MBNL3: variants seen among roughly 807,000 people sequenced by gnomAD.
The protein encoded by MBNL3 is muscleblind-like protein 3.
Under a neutral mutation model 24.5 loss-of-function variants are expected in MBNL3, and 6 were observed. That is an observed-to-expected ratio of 0.25 (90% confidence interval 0.13 to 0.48). The LOEUF is 0.48. Among genes scored for constraint, MBNL3 ranks in the 20% least tolerant of loss-of-function variants. The pLI is 0.99. For synonymous variants in MBNL3, 100 were observed against 101.7 expected, an observed-to-expected ratio of 0.98 and a Z score of 0.10; for missense variants, 230 against 293.5, an observed-to-expected ratio of 0.78 and a Z score of 1.58.
rs60044820 is a variant in MBNL3, at chrX:132,408,092, C to CTTTTTTT, written c.178-1707_178-1701dup. ...CCTGACCTCTCTTCTGAATTTCAGT[C>CTTTTTTT]TTTTTTTTTTTTTTTTTTTTTTTTT... is the stretch of plus-strand genomic sequence containing the variant. On this transcript the variant is annotated intron_variant, in intron 2 of 8. Transcript: ENST00000370853. Among the ~76,000 whole-genome samples the CTTTTTTT allele has an allele frequency of 7.1e-4, 16 of 22,568 alleles. 3 individuals carry two copies. The highest frequency in any genetic ancestry group is 1.1e-3 in the Non-Finnish European group (14 of 12,635). 19.6% of individuals were successfully genotyped at this position (22,568 alleles called of 115,157 possible). A position where few individuals can be genotyped will look rare whatever the true frequency, so the allele number is the denominator to read the frequency against.
At chrX:132,461,389 C>A (rs1376355008) in intron 1 of MBNL3, among the ~76,000 whole-genome samples, 1 of 111,282 alleles carries the variant, frequency 9.0e-6, no homozygotes, top group Non-Finnish European at 1.9e-5. Flanking sequence ...AACCCCCAAA[C>A]GACCACACAA....
At chrX:132,447,243 T>C (rs1305917160) in intron 1 of MBNL3, among the ~76,000 whole-genome samples, 1 of 111,947 alleles carries the variant, frequency 8.9e-6, no homozygotes, top group Admixed American at 9.5e-5. Flanking sequence ...GCGGGTTCTT[T>C]TTTGGTTCCA....
chrX:132,411,326 T>C (rs747676664), intron 2 of MBNL3: 9 of 754,289 alleles, frequency 1.2e-5, no homozygotes, highest in Non-Finnish European at 1.4e-5. Flanking sequence ...TTTTCTTGCC[T>C]ATCTGTCTCC....
rs201556977 is a variant in MBNL3 at position 132,416,343 on chromosome X, T to TAAAAC, written c.178-9956_178-9952dup. ...ACGTTTCTCACTAATATGCGAGAGC[T>TAAAAC]AAAACAAAACAAAACAAAACAAAAC... On this transcript the variant is annotated intron_variant, in intron 2 of 8. Transcript: ENST00000370853. 8.0e-3 allele frequency among the ~76,000 whole-genome samples: 883 copies of TAAAAC among 110,071 alleles called. 1 individual carries two copies. Among genetic ancestry groups the TAAAAC allele is most frequent in the African/African-American group, 0.023 (696 of 29,893 alleles).
chrX:132,489,686 T>C (rs1948191905), upstream of MBNL3: 1 of 76,170 alleles, frequency 1.3e-5, no homozygotes, highest in Non-Finnish European at 2.5e-5. Flanking sequence ...AAACGGAAAC[T>C]CCCGCGAAAC....
rs1185627617 is a variant in MBNL3 at position 132,374,050 on chromosome X, G to A, written c.*5616C>T. 1 of 111,291 alleles carries A rather than the reference G, an allele frequency of 9.0e-6. No homozygotes were observed. The highest frequency in any genetic ancestry group is 1.9e-5 in the Non-Finnish European group (1 of 52,860). The allele number at this position is 111,291 out of a possible 1,213,427, so 9.2% of individuals were successfully genotyped here. ...TAAATATCATCTTTCAATGGTTACC[G>A]ATTTGGTTTTGGTTACTGGATCTTA... On this transcript the variant is annotated 3_prime_UTR_variant, in exon 9 of 9. Transcript: ENST00000370853.
chrX:132,473,051 C>T (rs748168126), intron 1 of MBNL3, among the ~76,000 whole-genome samples: 48 of 111,794 alleles, frequency 4.3e-4, no homozygotes, highest in Non-Finnish European at 8.5e-4. Context: ...GATTACAGGG[C>T]TGGCTGATTC....
intron 1 of MBNL3, among the ~76,000 whole-genome samples, chrX:132,456,862 C>A (rs933774453): frequency 6.3e-5 from 7 of 111,851 alleles, no homozygotes; most frequent in African/African-American, 1.6e-4. Context: ...TCATACATAT[C>A]TGGCAAATAA....
chrX:132,463,575 C>A (rs917412501), intron 1 of MBNL3, among the ~76,000 whole-genome samples: 3 of 112,140 alleles, frequency 2.7e-5, no homozygotes, highest in Non-Finnish European at 5.6e-5. Flanking sequence ...GTTATCCACA[C>A]ACGGCAAGCC....
chrX:132,392,573 AAC>A (rs1418496737), intron 3 of MBNL3, among the ~76,000 whole-genome samples: 3 of 112,520 alleles, frequency 2.7e-5, no homozygotes, highest in Non-Finnish European at 3.8e-5. Context: ...ACATGATTTT[AAC>A]AGTCATGAAT....
At chrX:132,415,382 G>A in intron 2 of MBNL3, among the ~76,000 whole-genome samples, 1 of 112,065 alleles carries the variant, frequency 8.9e-6, no homozygotes, top group Non-Finnish European at 1.9e-5. Flanking sequence ...AAGAGTATAA[G>A]GTGAGAAAGG....
At position 132,453,754 on chromosome X, in the gene MBNL3, G is replaced by A. The variant is rs150024102; in HGVS notation, c.-703-13440C>T. Reference sequence around the variant, plus strand: ...GTATAATGGCATCCTGTAAATTCCTGCTATAGGGCTTTAAGCAGCACCCCT... The same window carrying A: ...GTATAATGGCATCCTGTAAATTCCTACTATAGGGCTTTAAGCAGCACCCCT... On this transcript the variant is annotated intron_variant, in intron 1 of 8. Transcript: ENST00000370853. 9.2e-3 allele frequency among the ~76,000 whole-genome samples: 1,027 copies of A among 111,046 alleles called. 6 individuals are homozygous for A. The highest frequency in any genetic ancestry group is 0.031 in the African/African-American group (957 of 30,497).
chrX:132,470,601 C>T (rs1045916588), intron 1 of MBNL3, among the ~76,000 whole-genome samples: 1 of 111,706 alleles, frequency 9.0e-6, no homozygotes, highest in Non-Finnish European at 1.9e-5. Flanking sequence ...TAAATCCCAC[C>T]ATAATACAAC....
chrX:132,442,738 G>A (rs1418558906), intron 1 of MBNL3, among the ~76,000 whole-genome samples: 2 of 112,971 alleles, frequency 1.8e-5, no homozygotes, highest in African/African-American at 6.4e-5. Context: ...GATAGGGGAA[G>A]AAGGAATTTT....
intron 3 of MBNL3, among the ~76,000 whole-genome samples, chrX:132,398,278 A>G (rs1229741156): frequency 9.0e-6 from 1 of 111,362 alleles, no homozygotes; most frequent in Non-Finnish European, 1.9e-5. Context: ...CAGGAATCAT[A>G]AAGGAGTACC....
At position 132,488,831 on chromosome X, in the gene MBNL3, C is replaced by G. The variant is rs1460928654; in HGVS notation, c.-704+20G>C. On this transcript the variant is annotated intron_variant, in intron 1 of 8. Transcript: ENST00000370853. The stretch of plus-strand genomic sequence containing the variant: ...GGAAGGCAGCCTCTCTTACAAATCC[C>G]AATTCATCTCCAGCCTTACCTTACG... 8.8e-6 allele frequency: 1 copy of G among 113,117 alleles called. No individual in the cohort carries two copies. The highest frequency in any genetic ancestry group is 1.9e-5 in the Non-Finnish European group (1 of 53,393). 9.3% of individuals were successfully genotyped at this position (113,117 alleles called of 1,213,427 possible). A position where few individuals can be genotyped will look rare whatever the true frequency, so the allele number is the denominator to read the frequency against.
intron 1 of MBNL3, among the ~76,000 whole-genome samples, chrX:132,448,808 T>C: frequency 8.9e-6 from 1 of 112,208 alleles, no homozygotes; most frequent in Non-Finnish European, 1.9e-5. Flanking sequence ...AACACTGCTT[T>C]AGCTGTGTCC....
intron 2 of MBNL3, among the ~76,000 whole-genome samples, chrX:132,407,925 C>A (rs963256306): frequency 1.8e-5 from 2 of 108,626 alleles, no homozygotes; most frequent in African/African-American, 6.7e-5. Context: ...TCCTCCCACA[C>A]CCTAACATTA....
chrX:132,380,932 C>G (rs1344501180), intron 8 of MBNL3, among the ~76,000 whole-genome samples: 1 of 110,787 alleles, frequency 9.0e-6, no homozygotes, highest in Non-Finnish European at 1.9e-5. Context: ...ACTCAAAATT[C>G]AATACAATGT....
Sources: gnomAD v4.1 joint callset for allele counts (sites outside exome capture counted in the v4.1 genomes callset) on GRCh38, gnomAD v4.1.1 for gene constraint, MANE v1.5 for transcripts, NCBI Gene and HGNC (gene_info 2026-07-23, HGNC 2026-07-21) for gene names.